Variants in COG5 observed in about 807,000 individuals in gnomAD.
COG5 encodes the protein conserved oligomeric Golgi complex subunit 5.
Under a neutral mutation model 110.4 loss-of-function variants are expected in COG5, and 86 were observed. That is an observed-to-expected ratio of 0.78 (90% CI 0.65 to 0.93). The LOEUF is 0.93. COG5 is among the 40% of genes least tolerant of loss of function. The pLI, the probability that COG5 is intolerant of heterozygous loss-of-function variation, is 0.00. For missense variants in COG5, 1,077 were observed against 987.0 expected (o/e 1.09, Z -1.22); for synonymous variants, 360 against 334.6 (o/e 1.08, Z -0.83).
chr7:107,216,252 G>A (rs1379514733), intron 19 of COG5, among the ~76,000 whole-genome samples: 1 of 152,174 alleles, frequency 6.6e-6, no homozygotes, highest in Non-Finnish European at 1.5e-5. Context: ...AATATGTAAA[G>A]CAAATATTAA....
intron 3 of COG5, among the ~76,000 whole-genome samples, chr7:107,551,345 T>A (rs1386313938): frequency 2.0e-5 from 3 of 152,222 alleles, no homozygotes; most frequent in Non-Finnish European, 4.4e-5. Flanking sequence ...TATAGCTTTC[T>A]GAAACCTAGC....
intron 14 of COG5, among the ~76,000 whole-genome samples, chr7:107,273,044 G>A (rs888037251): frequency 6.6e-6 from 1 of 152,136 alleles, no homozygotes; most frequent in African/African-American, 2.4e-5. Flanking sequence ...GTGTGTTCGG[G>A]GAGGGGTAGT....
At chr7:107,398,794 C>G (rs1791209021) in intron 7 of COG5, among the ~76,000 whole-genome samples, 1 of 151,994 alleles carries the variant, frequency 6.6e-6, no homozygotes, top group Non-Finnish European at 1.5e-5. Context: ...TTAGTAATTG[C>G]CTGGGTTTGG....
At chr7:107,262,481 A>G (rs937285060) in intron 14 of COG5, among the ~76,000 whole-genome samples, 19 of 152,174 alleles carry the variant, frequency 1.2e-4, no homozygotes, top group Admixed American at 1.2e-3. Context: ...GGTATTAAGA[A>G]TACATATATT....
At position 107,551,197 on chromosome 7, in the gene COG5, C is replaced by T. The variant is rs1215440650; in HGVS notation, c.293-2865G>A. 2.0e-5 allele frequency among the ~76,000 whole-genome samples: 3 copies of T among 152,136 alleles called. 1 individual carries two copies. The highest frequency in any genetic ancestry group is 2.0e-4 in the Admixed American group (3 of 15,280). On this transcript the variant is annotated intron_variant, in intron 3 of 21. Coordinates refer to ENST00000297135, the MANE Select transcript of COG5 (RefSeq NM_006348.5). Reference sequence around the variant, plus strand: ...AGCTGGGACTACAGGCACCCACCACCACACCTGGCTAATTTTTTGTATTTT... The same window carrying T: ...AGCTGGGACTACAGGCACCCACCACTACACCTGGCTAATTTTTTGTATTTT...
intron 7 of COG5, among the ~76,000 whole-genome samples, chr7:107,401,256 C>G (rs1383855252): frequency 6.6e-6 from 1 of 151,958 alleles, no homozygotes; most frequent in African/African-American, 2.4e-5. Flanking sequence ...TGTCACACAA[C>G]TAACATTAAG....
intron 6 of COG5, among the ~76,000 whole-genome samples, chr7:107,456,762 C>T (rs1795690118): frequency 1.3e-5 from 2 of 152,204 alleles, no homozygotes; most frequent in Admixed American, 1.3e-4. Flanking sequence ...ATCTGCAAAA[C>T]TGATCAACTC....
At chr7:107,500,449 T>C (rs1798566452) in intron 6 of COG5, among the ~76,000 whole-genome samples, 1 of 152,192 alleles carries the variant, frequency 6.6e-6, no homozygotes, top group Non-Finnish European at 1.5e-5. Context: ...ATTCTGAGGA[T>C]CATGCCTTCT....
intron 3 of COG5, among the ~76,000 whole-genome samples, chr7:107,552,505 G>A (rs1249928472): frequency 6.6e-6 from 1 of 151,888 alleles, no homozygotes; most frequent in Non-Finnish European, 1.5e-5. Flanking sequence ...CATACATGCA[G>A]GCAACACACA....
At chr7:107,475,919 T>C (rs569032130) in intron 6 of COG5, among the ~76,000 whole-genome samples, 1 of 151,420 alleles carries the variant, frequency 6.6e-6, no homozygotes, top group African/African-American at 2.4e-5. Context: ...CTTTTAAATG[T>C]AAAAAATCAT....
chr7:107,508,519 T>A (rs943408826), intron 6 of COG5, among the ~76,000 whole-genome samples: 1 of 152,208 alleles, frequency 6.6e-6, no homozygotes, highest in Admixed American at 6.5e-5. Flanking sequence ...GTCTGACAGC[T>A]TTGAAGAGAG....
At chr7:107,373,174 G>C (rs1053075432) in intron 7 of COG5, among the ~76,000 whole-genome samples, 1 of 152,026 alleles carries the variant, frequency 6.6e-6, no homozygotes, top group Non-Finnish European at 1.5e-5. Flanking sequence ...GAACCATGCA[G>C]ACTTATTCAT....
At chr7:107,316,157 G>T (rs1176954559) in intron 11 of COG5, among the ~76,000 whole-genome samples, 1 of 152,126 alleles carries the variant, frequency 6.6e-6, no homozygotes, top group Non-Finnish European at 1.5e-5. Flanking sequence ...AAGAGAGAGA[G>T]TAAACAGCAA....
chr7:107,397,436 C>CTAATT (rs1251686629), intron 7 of COG5, among the ~76,000 whole-genome samples: 2 of 152,094 alleles, frequency 1.3e-5, no homozygotes, highest in Admixed American at 1.3e-4. Flanking sequence ...GTGTAAGCCA[C>CTAATT]TATTAATCTA....
At chr7:107,329,341 G>C (rs540330864) in intron 10 of COG5, among the ~76,000 whole-genome samples, 1 of 152,100 alleles carries the variant, frequency 6.6e-6, no homozygotes, top group East Asian at 1.9e-4. Context: ...AGTAGATTCA[G>C]AGGGAATGGG....
chr7:107,271,819 T>G (rs1804298932), intron 14 of COG5, among the ~76,000 whole-genome samples: 1 of 152,144 alleles, frequency 6.6e-6, no homozygotes, highest in South Asian at 2.1e-4. Context: ...TTTAGTTTCT[T>G]AAGGTAATAG....
chr7:107,223,642 T>G (rs191413124), intron 19 of COG5, among the ~76,000 whole-genome samples: 7 of 152,356 alleles, frequency 4.6e-5, no homozygotes, highest in African/African-American at 1.7e-4. Context: ...TTTAAAATTT[T>G]CTGATTTTCC....
chr7:107,392,901 G>A (rs1031243693), intron 7 of COG5, among the ~76,000 whole-genome samples: 1 of 152,084 alleles, frequency 6.6e-6, no homozygotes, highest in Non-Finnish European at 1.5e-5. Flanking sequence ...AAAGGCGCCT[G>A]CATACCACAT....
At chr7:107,486,572 C>T (rs1797669046) in intron 6 of COG5, among the ~76,000 whole-genome samples, 1 of 151,670 alleles carries the variant, frequency 6.6e-6, no homozygotes, top group Non-Finnish European at 1.5e-5. Context: ...CTATTAAAAA[C>T]TATAAAAAAG....
Sources: gnomAD v4.1 joint callset for allele counts (sites outside exome capture counted in the v4.1 genomes callset) on GRCh38, gnomAD v4.1.1 for gene constraint, MANE v1.5 for transcripts, NCBI Gene and HGNC (gene_info 2026-07-23, HGNC 2026-07-21) for gene names.